Variants in KMT5B observed in about 807,000 individuals in gnomAD.
KMT5B encodes lysine methyltransferase 5B.
KMT5B carries 10 observed loss-of-function variants against 83.2 expected under a neutral mutation model. That is an observed-to-expected ratio of 0.12 (90% CI 0.07 to 0.20). The LOEUF (loss-of-function observed/expected upper bound fraction) is 0.20, where lower values mean the gene tolerates loss of function less well. Ranked by LOEUF, KMT5B falls within the 10% of genes least tolerant of loss-of-function variation. The pLI, the probability that KMT5B is intolerant of heterozygous loss-of-function variation, is 1.00. For synonymous variants in KMT5B, 349 were observed against 388.8 expected, an observed-to-expected ratio of 0.90 and a Z score of 1.20; for missense variants, 753 against 1,067.2, an observed-to-expected ratio of 0.71 and a Z score of 4.10.
At chr11:68,212,065 C>T (rs1860977710) in intron 1 of KMT5B, among the ~76,000 whole-genome samples, 1 of 151,898 alleles carries the variant, frequency 6.6e-6, no homozygotes, top group African/African-American at 2.4e-5. Flanking sequence ...ATGGTTTCCT[C>T]CTCTTTTGAA....
intron 9 of KMT5B, among the ~76,000 whole-genome samples, chr11:68,170,445 G>A (rs1427687419): frequency 6.6e-6 from 1 of 152,102 alleles, no homozygotes; most frequent in African/African-American, 2.4e-5. Flanking sequence ...CTCCCTTCAT[G>A]GTGCTCTCAC....
intron 5 of KMT5B, 48 bp from the exon 6 acceptor site, chr11:68,173,961 G>A (rs370799527): frequency 4.5e-5 from 57 of 1,263,742 alleles, no homozygotes; most frequent in Non-Finnish European, 5.8e-5. Context: ...GGTATACCCT[G>A]CTAGACTTTC....
intron 4 of KMT5B, chr11:68,179,887 G>A: frequency 2.1e-6 from 1 of 472,738 alleles, no homozygotes; most frequent in Non-Finnish European, 3.7e-6. Flanking sequence ...TCAGTGCTCA[G>A]CTAATCACAT....
chr11:68,206,866 C>A (rs527647499), intron 1 of KMT5B, among the ~76,000 whole-genome samples: 1 of 152,070 alleles, frequency 6.6e-6, no homozygotes, highest in South Asian at 2.1e-4. Context: ...AATTATGACA[C>A]AAGGCTGAGC....
Position 68,155,564 on chromosome 11 carries a change from C to G in KMT5B, c.*2124G>C, listed in dbSNP as rs1859231319. 1 of 152,206 alleles carries G rather than the reference C, an allele frequency of 6.6e-6. No individual in the cohort carries two copies. The highest frequency in any genetic ancestry group is 6.5e-5 in the Admixed American group (1 of 15,278). The allele number at this position is 152,206 out of a possible 1,614,324, so 9.4% of individuals were successfully genotyped here. On this transcript the variant is annotated 3_prime_UTR_variant, in exon 11 of 11. Coordinates refer to ENST00000304363, the MANE Select transcript of KMT5B (RefSeq NM_017635.5). Reference sequence around the variant, plus strand: ...ATTCAAATAAGGTTTAAGATTTAGTCTCTGAACCTCTTCAAAACACCCCAA... The same window carrying G: ...ATTCAAATAAGGTTTAAGATTTAGTGTCTGAACCTCTTCAAAACACCCCAA...
rs542395366 is a variant in KMT5B at position 68,187,073 on chromosome 11, C to T, written c.161-1145G>A. On this transcript the variant is annotated intron_variant, in intron 2 of 10. Coordinates refer to ENST00000304363, the MANE Select transcript of KMT5B (RefSeq NM_017635.5). The stretch of plus-strand genomic sequence containing the variant: ...GTGCAGTGGCATGATCACAGCTCAC[C>T]GCAGCCTCGAATTCCTGGGCTCAAG... Among the ~76,000 whole-genome samples the T allele has an allele frequency of 6.6e-5, 10 of 152,090 alleles. No homozygotes were observed. The South Asian group carries it at 2.1e-3, about 32-fold the overall frequency.
At chr11:68,166,040 G>A (rs1855291368) in intron 10 of KMT5B, 6 of 1,592,416 alleles carry the variant, frequency 3.8e-6, no homozygotes, top group Non-Finnish European at 5.1e-6. Context: ...AGGGCTCTAA[G>A]GTGCCAAGAA....
intron 10 of KMT5B, among the ~76,000 whole-genome samples, chr11:68,161,989 G>C (rs1854909624): frequency 6.6e-6 from 1 of 152,076 alleles, no homozygotes; most frequent in Non-Finnish European, 1.5e-5. Context: ...TCTCCATCTT[G>C]GTCAATATCA....
intron 10 of KMT5B, chr11:68,166,648 T>A (rs1342541024): frequency 1.8e-6 from 2 of 1,084,274 alleles, no homozygotes; most frequent in Non-Finnish European, 2.2e-6. Context: ...TCAGTCCTTT[T>A]GTCTTCTTGC....
chr11:68,182,328 A>C (rs930527438), intron 3 of KMT5B, among the ~76,000 whole-genome samples: 1 of 152,210 alleles, frequency 6.6e-6, no homozygotes, highest in Non-Finnish European at 1.5e-5. Flanking sequence ...GCTTGTTAGA[A>C]AGGCACAATC....
At chr11:68,199,946 T>C (rs151013775) in intron 1 of KMT5B, among the ~76,000 whole-genome samples, 13 of 152,242 alleles carry the variant, frequency 8.5e-5, no homozygotes, top group East Asian at 5.8e-4. Flanking sequence ...TATAGGAAGA[T>C]TGGCTTCCGC....
intron 9 of KMT5B, among the ~76,000 whole-genome samples, chr11:68,168,257 G>A (rs1022372427): frequency 1.3e-5 from 2 of 151,714 alleles, no homozygotes; most frequent in Admixed American, 1.3e-4. Flanking sequence ...AAGCATCTCT[G>A]CATCTCTTTT....
chr11:68,163,557 G>A (rs749806421), intron 10 of KMT5B, among the ~76,000 whole-genome samples: 2 of 152,162 alleles, frequency 1.3e-5, no homozygotes, highest in Non-Finnish European at 2.9e-5. Flanking sequence ...AGCTGTGACC[G>A]ACACCAAAGC....
At chr11:68,188,115 C>G (rs1029037838) in intron 2 of KMT5B, among the ~76,000 whole-genome samples, 8 of 151,256 alleles carry the variant, frequency 5.3e-5, no homozygotes, top group South Asian at 2.1e-4. Flanking sequence ...AGCTCTGCCT[C>G]CCGGGTTCAC....
intron 4 of KMT5B, 74 bp downstream of exon 4, chr11:68,180,058 T>G: frequency 6.8e-7 from 1 of 1,464,702 alleles, no homozygotes; most frequent in Non-Finnish European, 9.2e-7. Flanking sequence ...TCAAATTACT[T>G]AACATAAAAG....
intron 1 of KMT5B, among the ~76,000 whole-genome samples, chr11:68,192,086 T>C (rs1250922348): frequency 1.3e-5 from 2 of 152,216 alleles, no homozygotes; most frequent in Non-Finnish European, 2.9e-5. Context: ...CCCAGGTGTG[T>C]AGTAGGCTAG....
At chr11:68,163,294 G>C (rs188326577) in intron 10 of KMT5B, among the ~76,000 whole-genome samples, 119 of 152,308 alleles carry the variant, frequency 7.8e-4, no homozygotes, top group Non-Finnish European at 1.2e-3. Flanking sequence ...AGCGATTAAA[G>C]CTATGTGAAA....
chr11:68,179,707 T>C (rs1856732745), intron 4 of KMT5B: 1 of 1,039,576 alleles, frequency 9.6e-7, no homozygotes, highest in Non-Finnish European at 1.2e-6. Flanking sequence ...ATTTAAGATA[T>C]AAAATAAAAC....
chr11:68,205,268 T>C (rs11228162), intron 1 of KMT5B, among the ~76,000 whole-genome samples: 1 of 152,130 alleles, frequency 6.6e-6, no homozygotes, highest in Admixed American at 6.5e-5. Flanking sequence ...CAGTGAGCTA[T>C]GATCATGCCA....
Sources: allele counts gnomAD v4.1 joint callset (sites outside exome capture counted in the v4.1 genomes callset), GRCh38; gene constraint gnomAD v4.1.1; transcripts MANE v1.5; gene names NCBI Gene and HGNC (gene_info 2026-07-23, HGNC 2026-07-21).